The following ANK1 variants were observed in gnomAD, a reference collection of about 807,000 sequenced individuals.
ANK1 encodes ankyrin-1.
In ANK1, 51 loss-of-function variants were observed where a neutral mutation model predicts 210.4. The observed-to-expected ratio is 0.24, with a 90% CI of 0.19 to 0.31. The LOEUF (loss-of-function observed/expected upper bound fraction) is 0.31. Ranked by LOEUF, ANK1 falls within the 10% of genes least tolerant of loss-of-function variation. The pLI is 1.00. For missense variants in ANK1, 2,051 were observed against 2,504.4 expected, an observed-to-expected ratio of 0.82 and a Z score of 3.86; for synonymous variants, 967 against 1,025.9, an observed-to-expected ratio of 0.94 and a Z score of 1.10.
At chr8:41,882,858 C>T (rs1013666608) in intron 1 of ANK1, among the ~76,000 whole-genome samples, 2 of 152,232 alleles carry the variant, frequency 1.3e-5, no homozygotes, top group African/African-American at 2.4e-5. Flanking sequence ...TGGCTGTGCC[C>T]GTGACCTTGA....
chr8:41,696,646 G>A, intron 25 of ANK1, 30 bp downstream of exon 25: 1 of 1,607,760 alleles, frequency 6.2e-7, no homozygotes, highest in Middle Eastern at 1.6e-4. Flanking sequence ...ATGGAGACAG[G>A]AGTCCCCGAG....
chr8:41,739,042 T>G (rs1834075877), intron 2 of ANK1, among the ~76,000 whole-genome samples: 2 of 152,236 alleles, frequency 1.3e-5, no homozygotes, highest in African/African-American at 4.8e-5. Flanking sequence ...AAACACCAGT[T>G]CGCTAGAGTC....
At chr8:41,680,455 C>T (rs1446689827) in intron 37 of ANK1, among the ~76,000 whole-genome samples, 5 of 151,144 alleles carry the variant, frequency 3.3e-5, no homozygotes, top group Non-Finnish European at 5.9e-5. Flanking sequence ...CCCAGCTACT[C>T]GAGAGGCTGA....
Position 41,723,825 on chromosome 8 carries a change from T to A in ANK1, c.712-192A>T, listed in dbSNP as rs566412495. On this transcript the variant is annotated intron_variant, in intron 7 of 42. Coordinates refer to ENST00000289734, the MANE Select transcript of ANK1 (RefSeq NM_000037.4). The stretch of plus-strand genomic sequence containing the variant: ...TTTTTTTTGAGACGGAGTCTCGCTC[T>A]GTCGCCCAGGCTGGAGTGCAGTGGC... Among the ~76,000 whole-genome samples the A allele has an allele frequency of 2.0e-5, 3 of 150,596 alleles. No homozygotes were observed. The South Asian group carries it at 6.4e-4, about 32-fold the overall frequency.
chr8:41,750,502 CG>C (rs754851563), intron 2 of ANK1, among the ~76,000 whole-genome samples: 31 of 152,066 alleles, frequency 2.0e-4, no homozygotes, highest in Non-Finnish European at 3.7e-4. Context: ...CTAGTTCCTA[CG>C]TGGACTAAGT....
At chr8:41,740,477 G>A (rs1030770251) in intron 2 of ANK1, among the ~76,000 whole-genome samples, 1 of 151,936 alleles carries the variant, frequency 6.6e-6, no homozygotes. Flanking sequence ...TGTTATTGGT[G>A]TAGAATCCCG....
At chr8:41,703,220 C>T (rs1441571363) in intron 20 of ANK1, among the ~76,000 whole-genome samples, 2 of 151,590 alleles carry the variant, frequency 1.3e-5, no homozygotes, top group East Asian at 1.9e-4. Context: ...TCACACCGAA[C>T]GATGATTGCT....
chr8:41,655,884 A>G, intron 42 of ANK1, 131 bp from the exon 43 acceptor site: 1 of 1,052,294 alleles, frequency 9.5e-7, no homozygotes, highest in Non-Finnish European at 1.4e-6. Flanking sequence ...CTCCCCAGGC[A>G]GGGCGATGTG....
chr8:41,655,633 G>C lies in ANK1; in HGVS notation c.*157C>G, dbSNP rs1167858696. 1.6e-5 allele frequency: 23 copies of C among 1,479,560 alleles called. No homozygotes were observed. Among genetic ancestry groups the C allele is most frequent in the Non-Finnish European group, 2.2e-5 (23 of 1,061,230 alleles). The allele number at this position is 1,479,560 out of a possible 1,614,324, so 91.7% of individuals were successfully genotyped here. On this transcript the variant is annotated 3_prime_UTR_variant, in exon 43 of 43. Transcript: ENST00000289734. ...AGGGGACTAGCAGGAGTCCCTTACA[G>C]AGGTCATGCCGTCAGCCCAGAGGAA...
intron 2 of ANK1, among the ~76,000 whole-genome samples, chr8:41,741,999 T>C (rs1393278814): frequency 6.6e-6 from 1 of 152,250 alleles, no homozygotes; most frequent in African/African-American, 2.4e-5. Context: ...AGGTGGAATG[T>C]CAACTGACAG....
chr8:41,682,660 GC>G (rs1219937392), intron 37 of ANK1, among the ~76,000 whole-genome samples: 4 of 152,240 alleles, frequency 2.6e-5, no homozygotes, highest in Non-Finnish European at 5.9e-5. Context: ...CCTGGTGGGA[GC>G]TAGGGGTCTG....
At chr8:41,782,627 T>C (rs1426612743) in intron 1 of ANK1, among the ~76,000 whole-genome samples, 9 of 152,208 alleles carry the variant, frequency 5.9e-5, no homozygotes, top group African/African-American at 2.2e-4. Context: ...TGTTGAGAAC[T>C]GTCTCAGGGG....
intron 1 of ANK1, among the ~76,000 whole-genome samples, chr8:41,807,952 A>T (rs1269588088): frequency 8.2e-6 from 1 of 121,656 alleles, no homozygotes; most frequent in Non-Finnish European, 1.7e-5. Context: ...GAAGAGGAGG[A>T]GGGGAAGAGG....
chr8:41,864,752 A>G (rs1042638398), intron 1 of ANK1, among the ~76,000 whole-genome samples: 1 of 152,228 alleles, frequency 6.6e-6, no homozygotes, highest in African/African-American at 2.4e-5. Context: ...CACTCATGGA[A>G]CCACGGCTGA....
intron 9 of ANK1, among the ~76,000 whole-genome samples, chr8:41,722,153 A>G (rs1438010049): frequency 6.6e-6 from 1 of 152,214 alleles, no homozygotes; most frequent in Middle Eastern, 3.2e-3. Flanking sequence ...TGAAACACAG[A>G]GAGGGCAAGA....
At chr8:41,871,942 G>A (rs563712925) in intron 1 of ANK1, among the ~76,000 whole-genome samples, 13 of 152,278 alleles carry the variant, frequency 8.5e-5, no homozygotes, top group East Asian at 1.9e-4. Context: ...TGGAGCCCCC[G>A]GGATGGGGGA....
intron 1 of ANK1, among the ~76,000 whole-genome samples, chr8:41,867,890 C>T (rs1314748999): frequency 2.0e-5 from 3 of 152,176 alleles, no homozygotes; most frequent in Non-Finnish European, 4.4e-5. Flanking sequence ...GACAGATTCT[C>T]TCTCTGTCGT....
intron 1 of ANK1, among the ~76,000 whole-genome samples, chr8:41,844,167 C>G (rs1809559698): frequency 1.3e-5 from 2 of 152,232 alleles, no homozygotes; most frequent in Non-Finnish European, 2.9e-5. Context: ...GCCACTTCAC[C>G]TGGCCTGTCC....
At chr8:41,741,413 C>T (rs1254702775) in intron 2 of ANK1, among the ~76,000 whole-genome samples, 1 of 152,056 alleles carries the variant, frequency 6.6e-6, no homozygotes, top group Non-Finnish European at 1.5e-5. Flanking sequence ...CCACACTTGG[C>T]CTTCAAGAAC....
Sources: allele counts gnomAD v4.1 joint callset (sites outside exome capture counted in the v4.1 genomes callset), GRCh38; gene constraint gnomAD v4.1.1; transcripts MANE v1.5; gene names NCBI Gene and HGNC (gene_info 2026-07-23, HGNC 2026-07-21).